The following CSGALNACT1 variants were observed in gnomAD, a reference collection of about 807,000 sequenced individuals.
CSGALNACT1 encodes beta4GalNAcT-1.
A neutral mutation model predicts 51.0 loss-of-function variants in CSGALNACT1; 52 were observed. That is an observed-to-expected ratio of 1.02 (90% confidence interval 0.82 to 1.29). The LOEUF (loss-of-function observed/expected upper bound fraction) is 1.29, where lower values mean the gene tolerates loss of function less well. CSGALNACT1 is among the 50% of genes most tolerant of loss of function. The probability of loss-of-function intolerance (pLI) is 0.00; values close to 1 mark genes in which losing one functional copy is unlikely to be tolerated. For synonymous variants in CSGALNACT1, 341 were observed against 254.4 expected (o/e 1.34, Z -3.24); for missense variants, 935 against 679.2 (o/e 1.38, Z -4.19).
intron 2 of CSGALNACT1, among the ~76,000 whole-genome samples, chr8:19,596,023 C>T (rs954236741): frequency 2.0e-5 from 3 of 151,994 alleles, no homozygotes; most frequent in Admixed American, 1.3e-4. Flanking sequence ...GCCACCACAC[C>T]GAGCTAATTT....
intron 3 of CSGALNACT1, among the ~76,000 whole-genome samples, chr8:19,585,704 G>A (rs141344169): frequency 6.6e-6 from 1 of 152,298 alleles, no homozygotes; most frequent in African/African-American, 2.4e-5. Flanking sequence ...TCTAGAAGGT[G>A]TTAGGCCATG....
intron 3 of CSGALNACT1, among the ~76,000 whole-genome samples, chr8:19,583,053 C>A (rs189361982): frequency 1.3e-5 from 2 of 152,054 alleles, no homozygotes; most frequent in Admixed American, 6.5e-5. Flanking sequence ...GAAAAAAATT[C>A]TTTTTCTTTT....
intron 6 of CSGALNACT1, among the ~76,000 whole-genome samples, chr8:19,426,599 ATTTC>A (rs757032862): frequency 7.2e-5 from 11 of 152,114 alleles, no homozygotes; most frequent in Non-Finnish European, 1.5e-4. Context: ...GCTTATAATT[ATTTC>A]TTTTTCTTTT....
intron 3 of CSGALNACT1, among the ~76,000 whole-genome samples, chr8:19,568,077 A>C (rs1426250840): frequency 6.6e-6 from 1 of 152,200 alleles, no homozygotes; most frequent in East Asian, 1.9e-4. Context: ...TTTTCATTCA[A>C]ACATTGGTTT....
At chr8:19,557,777 CTTTG>C (rs1399937445) in intron 3 of CSGALNACT1, among the ~76,000 whole-genome samples, 1 of 152,150 alleles carries the variant, frequency 6.6e-6, no homozygotes, top group Non-Finnish European at 1.5e-5. Context: ...TTATAAAGCT[CTTTG>C]TTTGTTGTCA....
At chr8:19,421,228 A>G (rs2057871681) in intron 6 of CSGALNACT1, among the ~76,000 whole-genome samples, 1 of 152,120 alleles carries the variant, frequency 6.6e-6, no homozygotes, top group African/African-American at 2.4e-5. Context: ...AGTGAGATAA[A>G]CAGTGCCAAG....
At chr8:19,450,078 G>A (rs1185863648) in intron 5 of CSGALNACT1, among the ~76,000 whole-genome samples, 1 of 125,090 alleles carries the variant, frequency 8.0e-6, no homozygotes, top group Non-Finnish European at 1.7e-5. Flanking sequence ...AAGAGGGGGA[G>A]GAGGGGGAGG....
At chr8:19,514,475 C>CTATATA (rs33928915) in intron 3 of CSGALNACT1, among the ~76,000 whole-genome samples, 2,425 of 78,388 alleles carry the variant, frequency 0.031, 179 homozygotes, top group African/African-American at 0.033. Context: ...TGAACAGAGA[C>CTATATA]TATATATATA....
chr8:19,741,343 T>A (rs899667689), intron 1 of CSGALNACT1, among the ~76,000 whole-genome samples: 1 of 151,914 alleles, frequency 6.6e-6, no homozygotes, highest in Non-Finnish European at 1.5e-5. Context: ...GGCGGATGGA[T>A]CACGAGGTCA....
intron 3 of CSGALNACT1, among the ~76,000 whole-genome samples, chr8:19,582,085 A>G (rs1326320560): frequency 1.3e-5 from 2 of 152,190 alleles, no homozygotes; most frequent in Non-Finnish European, 2.9e-5. Context: ...TAATTTATAG[A>G]TAGACAGATT....
At chr8:19,570,241 A>C (rs1168830633) in intron 3 of CSGALNACT1, among the ~76,000 whole-genome samples, 1 of 152,196 alleles carries the variant, frequency 6.6e-6, no homozygotes, top group Non-Finnish European at 1.5e-5. Context: ...TAAGAAACAA[A>C]AAGTGTTGGC....
chr8:19,488,067 G>A (rs2073414445), intron 4 of CSGALNACT1, among the ~76,000 whole-genome samples: 1 of 151,930 alleles, frequency 6.6e-6, no homozygotes, highest in South Asian at 2.1e-4. Flanking sequence ...TTAGTACAGG[G>A]GGCTGGGCTC....
intron 1 of CSGALNACT1, among the ~76,000 whole-genome samples, chr8:19,656,541 G>T (rs73670906): frequency 4.6e-5 from 7 of 150,778 alleles, no homozygotes; most frequent in African/African-American, 1.5e-4. Flanking sequence ...AAACACACAC[G>T]TGTACGCGCA....
At chr8:19,666,266 C>CTA (rs1385556324) in intron 1 of CSGALNACT1, among the ~76,000 whole-genome samples, 1 of 152,186 alleles carries the variant, frequency 6.6e-6, no homozygotes, top group Non-Finnish European at 1.5e-5. Context: ...TTAAAACCAT[C>CTA]TATTGTCCTC....
intron 1 of CSGALNACT1, among the ~76,000 whole-genome samples, chr8:19,628,740 C>G (rs546467704): frequency 6.6e-6 from 1 of 151,856 alleles, no homozygotes; most frequent in Non-Finnish European, 1.5e-5. Flanking sequence ...TTCAGTCTCC[C>G]AAAGTGCTGG....
At chr8:19,525,379 G>C (rs34475389) in intron 3 of CSGALNACT1, among the ~76,000 whole-genome samples, 1 of 151,542 alleles carries the variant, frequency 6.6e-6, no homozygotes, top group Non-Finnish European at 1.5e-5. Context: ...TGAGGCCGGC[G>C]GATCATTTGA....
intron 3 of CSGALNACT1, among the ~76,000 whole-genome samples, chr8:19,530,229 AAAC>A (rs2082480161): frequency 1.7e-5 from 1 of 59,670 alleles, no homozygotes; most frequent in African/African-American, 8.5e-5. Context: ...TGAAAAAACA[AAAC>A]AAAACAAAAC....
intron 6 of CSGALNACT1, among the ~76,000 whole-genome samples, chr8:19,433,977 T>A (rs917636765): frequency 2.0e-5 from 3 of 152,156 alleles, no homozygotes; most frequent in African/African-American, 4.8e-5. Flanking sequence ...GCTGTTGAAT[T>A]TCCAGCTTAC....
chr8:19,486,035 G>A (rs1203072747), intron 4 of CSGALNACT1, among the ~76,000 whole-genome samples: 1 of 151,336 alleles, frequency 6.6e-6, no homozygotes, highest in Admixed American at 6.6e-5. Flanking sequence ...CGAAGTGCTG[G>A]GATTACAGGC....
Sources: allele counts gnomAD v4.1 joint callset (sites outside exome capture counted in the v4.1 genomes callset), GRCh38; gene constraint gnomAD v4.1.1; transcripts MANE v1.5; gene names NCBI Gene and HGNC (gene_info 2026-07-23, HGNC 2026-07-21).